Variants in MARCHF3 observed in about 807,000 individuals in gnomAD.
MARCHF3 encodes E3 ubiquitin-protein ligase MARCHF3.
A neutral mutation model predicts 24.2 loss-of-function variants in MARCHF3; 13 were observed. The observed-to-expected ratio is 0.54, with a 90% CI of 0.35 to 0.85. The LOEUF (loss-of-function observed/expected upper bound fraction) is 0.85. Among genes scored for constraint, MARCHF3 ranks in the 40% least tolerant of loss-of-function variants. The probability of loss-of-function intolerance (pLI) is 0.01; values close to 1 mark genes in which losing one functional copy is unlikely to be tolerated. For missense variants in MARCHF3, 276 were observed against 325.0 expected (o/e 0.85, Z 1.16); for synonymous variants, 144 against 137.3 (o/e 1.05, Z -0.34).
intron 3 of MARCHF3, 42 bp downstream of exon 3, chr5:126,914,888 C>A: frequency 6.2e-7 from 1 of 1,601,538 alleles, no homozygotes; most frequent in Non-Finnish European, 8.5e-7. Context: ...ACATCATTTG[C>A]TCATTAGAGC....
chr5:126,904,174 T>C (rs1187321723), intron 3 of MARCHF3, among the ~76,000 whole-genome samples: 9 of 148,400 alleles, frequency 6.1e-5, no homozygotes, highest in Non-Finnish European at 1.2e-4. Context: ...TAGTATTCCA[T>C]GGTGTATATG....
chr5:126,975,252 G>A (rs1042888969), intron 1 of MARCHF3, among the ~76,000 whole-genome samples: 1 of 152,186 alleles, frequency 6.6e-6, no homozygotes, highest in Non-Finnish European at 1.5e-5. Context: ...ACTGGGCCTG[G>A]CTGAAGTGGG....
intron 1 of MARCHF3, among the ~76,000 whole-genome samples, chr5:126,967,642 G>A (rs1446822151): frequency 1.3e-5 from 2 of 152,090 alleles, no homozygotes; most frequent in Non-Finnish European, 2.9e-5. Context: ...GCAGCGAGCC[G>A]AGATCCTGCC....
At chr5:127,019,421 T>C (rs1166252474) in intron 1 of MARCHF3, among the ~76,000 whole-genome samples, 1 of 152,166 alleles carries the variant, frequency 6.6e-6, no homozygotes, top group East Asian at 1.9e-4. Context: ...CCTCAGGCAA[T>C]GATGGTGGTC....
At chr5:127,020,812 C>T (rs1201208171) in intron 1 of MARCHF3, among the ~76,000 whole-genome samples, 1 of 151,916 alleles carries the variant, frequency 6.6e-6, no homozygotes, top group African/African-American at 2.4e-5. Flanking sequence ...CTGTGCCACT[C>T]TACTCCAGCC....
chr5:127,000,033 AT>A (rs1300938251), intron 1 of MARCHF3, among the ~76,000 whole-genome samples: 1 of 149,104 alleles, frequency 6.7e-6, no homozygotes, highest in Non-Finnish European at 1.5e-5. Context: ...ATATAAGATC[AT>A]TAATATTAGA....
chr5:126,937,519 T>A (rs1749686046), intron 1 of MARCHF3, among the ~76,000 whole-genome samples: 1 of 152,208 alleles, frequency 6.6e-6, no homozygotes, highest in African/African-American at 2.4e-5. Flanking sequence ...CAGACAGCAA[T>A]TGTATATTTA....
chr5:126,955,640 C>A (rs1028985618), intron 1 of MARCHF3, among the ~76,000 whole-genome samples: 1 of 152,180 alleles, frequency 6.6e-6, no homozygotes, highest in Non-Finnish European at 1.5e-5. Flanking sequence ...CTTTGCAACC[C>A]ATTTCTGTAG....
At chr5:127,030,103 T>A (rs1219655048) in intron 1 of MARCHF3, 1 of 152,054 alleles carries the variant, frequency 6.6e-6, no homozygotes, top group Non-Finnish European at 1.5e-5. Flanking sequence ...CGGCCCCACC[T>A]ACCCATGTCA....
intron 1 of MARCHF3, among the ~76,000 whole-genome samples, chr5:126,994,685 C>T (rs1422812604): frequency 6.6e-6 from 1 of 152,160 alleles, no homozygotes; most frequent in Admixed American, 6.5e-5. Flanking sequence ...ACAGAACTAA[C>T]AGGATATATG....
At chr5:126,910,820 C>T (rs1489676146) in intron 3 of MARCHF3, among the ~76,000 whole-genome samples, 2 of 152,220 alleles carry the variant, frequency 1.3e-5, no homozygotes, top group Non-Finnish European at 2.9e-5. Context: ...TAACCTTAAA[C>T]TCTGACTGCT....
chr5:126,981,051 C>T (rs897774680), intron 1 of MARCHF3, among the ~76,000 whole-genome samples: 4 of 152,216 alleles, frequency 2.6e-5, no homozygotes, highest in South Asian at 2.1e-4. Context: ...CACTGACACA[C>T]GACTTCAGCT....
chr5:126,932,850 G>A (rs1240449027), intron 1 of MARCHF3, among the ~76,000 whole-genome samples: 1 of 152,164 alleles, frequency 6.6e-6, no homozygotes, highest in East Asian at 1.9e-4. Flanking sequence ...TAGCTACTCT[G>A]AAGCATTTTG....
At chr5:126,994,564 A>G (rs1751884370) in intron 1 of MARCHF3, among the ~76,000 whole-genome samples, 1 of 152,250 alleles carries the variant, frequency 6.6e-6, no homozygotes, top group Non-Finnish European at 1.5e-5. Flanking sequence ...AAAATGTTCA[A>G]TGTAAGAAAG....
In MARCHF3 at chr5:126,903,289, G is replaced by A. The variant is rs561137976; in HGVS notation, c.393+11641C>T. Reference sequence around the variant, plus strand: ...GTACAAGCAAAAGGCAAGGCCTGGGGAAATAGAGAGAGCATGTCCCACCCA... The same window carrying A: ...GTACAAGCAAAAGGCAAGGCCTGGGAAAATAGAGAGAGCATGTCCCACCCA... On this transcript the variant is annotated intron_variant, in intron 3 of 4. Coordinates refer to ENST00000308660, the MANE Select transcript of MARCHF3 (RefSeq NM_178450.5). 2.6e-5 allele frequency among the ~76,000 whole-genome samples: 4 copies of A among 151,948 alleles called. No individual in the cohort carries two copies. The East Asian group carries it at 5.8e-4, about 22-fold the overall frequency.
chr5:126,959,846 T>A (rs1011396681), intron 1 of MARCHF3, among the ~76,000 whole-genome samples: 1 of 152,160 alleles, frequency 6.6e-6, no homozygotes, highest in Non-Finnish European at 1.5e-5. Context: ...ACAGTAAGCA[T>A]TGCTTGGTAT....
At chr5:126,912,182 C>T (rs1455711529) in intron 3 of MARCHF3, among the ~76,000 whole-genome samples, 1 of 152,186 alleles carries the variant, frequency 6.6e-6, no homozygotes, top group Non-Finnish European at 1.5e-5. Flanking sequence ...AATGAACATC[C>T]AACTGTGGGC....
At chr5:127,025,074 T>A (rs1022262521) in intron 1 of MARCHF3, among the ~76,000 whole-genome samples, 6 of 152,046 alleles carry the variant, frequency 3.9e-5, no homozygotes, top group Admixed American at 6.5e-5. Context: ...AAAAGATAGT[T>A]CCAGCCAAAA....
intron 3 of MARCHF3, among the ~76,000 whole-genome samples, chr5:126,903,506 A>G (rs1580621202): frequency 6.6e-6 from 1 of 152,150 alleles, no homozygotes; most frequent in South Asian, 2.1e-4. Context: ...ATCACTTTAT[A>G]TTGCTGATCA....
Sources: gnomAD v4.1 joint callset for allele counts (sites outside exome capture counted in the v4.1 genomes callset) on GRCh38, gnomAD v4.1.1 for gene constraint, MANE v1.5 for transcripts, NCBI Gene and HGNC (gene_info 2026-07-23, HGNC 2026-07-21) for gene names.